The following ITPR2 variants were observed in gnomAD, a reference collection of about 807,000 sequenced individuals.
The protein encoded by ITPR2 is inositol 1,4,5-trisphosphate-gated calcium channel ITPR2.
ITPR2 carries 207 observed loss-of-function variants against 317.1 expected under a neutral mutation model. The observed-to-expected ratio is 0.65, with a 90% CI of 0.58 to 0.73. The LOEUF is 0.73. Ranked by LOEUF, ITPR2 falls within the 30% of genes least tolerant of loss-of-function variation. The pLI is 0.00. For synonymous variants in ITPR2, 1,156 were observed against 1,149.1 expected (o/e 1.01, Z -0.12); for missense variants, 2,613 against 3,284.0 (o/e 0.80, Z 4.99).
intron 13 of ITPR2, among the ~76,000 whole-genome samples, chr12:26,667,491 T>C (rs1814525092): frequency 1.3e-5 from 2 of 152,222 alleles, no homozygotes; most frequent in African/African-American, 4.8e-5. Context: ...ACTGACATAG[T>C]TACGTGTAAT....
At chr12:26,466,820 C>T (rs142295632) in intron 45 of ITPR2, among the ~76,000 whole-genome samples, 18 of 152,274 alleles carry the variant, frequency 1.2e-4, no homozygotes, top group African/African-American at 4.1e-4. Flanking sequence ...CTTGGTACAA[C>T]ATTCTAGCCA....
chr12:26,541,240 C>T (rs1167658394), intron 37 of ITPR2, among the ~76,000 whole-genome samples: 1 of 151,768 alleles, frequency 6.6e-6, no homozygotes, highest in African/African-American at 2.4e-5. Flanking sequence ...TCACTTGAAC[C>T]CGGGAGGCAG....
chr12:26,649,822 T>TAGATAGAC (rs779584089), intron 21 of ITPR2, among the ~76,000 whole-genome samples: 2,042 of 119,812 alleles, frequency 0.017, 54 homozygotes, highest in East Asian at 0.048. Context: ...GATAGATAGA[T>TAGATAGAC]AGACAGACAG....
intron 32 of ITPR2, among the ~76,000 whole-genome samples, chr12:26,595,163 A>C (rs768842490): frequency 1.3e-5 from 2 of 152,212 alleles, no homozygotes; most frequent in South Asian, 4.1e-4. Flanking sequence ...CCTCTGCCAA[A>C]TATCTTCTCT....
rs757930753 is a variant in ITPR2 at position 26,600,113 on chromosome 12, T to G, written c.3679-4A>C. ...CTTCATTCATCTTTTCATCATTCTG[T>G]AAGTTAAAGAATAGCACATGATAGA... On this transcript the variant is annotated splice_region_variant and splice_polypyrimidine_tract_variant and intron_variant, in intron 28 of 56. Coordinates refer to ENST00000381340, the MANE Select transcript of ITPR2 (RefSeq NM_002223.4). 6.8e-6 allele frequency: 11 copies of G among 1,606,602 alleles called. No individual in the cohort carries two copies. The East Asian group carries it at 2.2e-4, about 33-fold the overall frequency.
chr12:26,798,039 T>TC (rs1395331214), intron 1 of ITPR2, among the ~76,000 whole-genome samples: 1 of 151,948 alleles, frequency 6.6e-6, no homozygotes, highest in African/African-American at 2.4e-5. Context: ...AATAACTTGA[T>TC]CCCCCAACGC....
At chr12:26,382,312 A>C (rs747101252) in intron 55 of ITPR2, among the ~76,000 whole-genome samples, 3 of 152,226 alleles carry the variant, frequency 2.0e-5, no homozygotes, top group Non-Finnish European at 2.9e-5. Context: ...ATATCCCAGA[A>C]GATGCTCCAT....
chr12:26,345,185 C>A (rs996317653), intron 55 of ITPR2, among the ~76,000 whole-genome samples: 3 of 151,190 alleles, frequency 2.0e-5, no homozygotes, highest in African/African-American at 4.9e-5. Flanking sequence ...AAAAAAAAAA[C>A]AACTTAAATT....
intron 26 of ITPR2, among the ~76,000 whole-genome samples, chr12:26,604,103 C>G (rs1401492754): frequency 5.9e-5 from 9 of 152,128 alleles, no homozygotes; most frequent in Admixed American, 4.6e-4. Flanking sequence ...CTACTGTGCT[C>G]CAGGACAAAT....
At position 26,775,933 on chromosome 12, in the gene ITPR2, C is replaced by CATATATATATATATATATATATAT; in HGVS notation, c.163+14223_163+14224insATATATATATATATATATATATAT. On this transcript the variant is annotated intron_variant, in intron 2 of 56. Coordinates refer to ENST00000381340, the MANE Select transcript of ITPR2 (RefSeq NM_002223.4). ...ATACCACTTAATAAACTCCCCTTTA[C>CATATATATATATATATATATATAT]ATATATATATATATGTATATGTATA... Among the ~76,000 whole-genome samples, 72 of 85,432 alleles carry CATATATATATATATATATATATAT rather than the reference C, an allele frequency of 8.4e-4. 4 individuals carry two copies. The highest frequency in any genetic ancestry group is 2.0e-3 in the African/African-American group (65 of 32,142). The allele number at this position is 85,432 out of a possible 152,430, so 56.0% of individuals were successfully genotyped here. A position where few individuals can be genotyped will look rare whatever the true frequency, so the allele number is the denominator to read the frequency against.
chr12:26,694,478 G>C (rs1359368149), intron 10 of ITPR2, among the ~76,000 whole-genome samples: 1 of 151,964 alleles, frequency 6.6e-6, no homozygotes, highest in Non-Finnish European at 1.5e-5. Context: ...CCTCTAGTAA[G>C]TTCTTTCTAA....
chr12:26,339,619 G>T, intron 56 of ITPR2, 136 bp from the exon 57 acceptor site: 7 of 629,724 alleles, frequency 1.1e-5, no homozygotes, highest in Non-Finnish European at 1.9e-5. Flanking sequence ...TATCAAAAAA[G>T]GGATTTTTTT....
chr12:26,719,369 C>G (rs1948794589), intron 5 of ITPR2, among the ~76,000 whole-genome samples: 1 of 152,176 alleles, frequency 6.6e-6, no homozygotes, highest in African/African-American at 2.4e-5. Context: ...GATAAGCCAT[C>G]ACATTCACTC....
At chr12:26,820,864 C>G (rs1258644650) in intron 1 of ITPR2, among the ~76,000 whole-genome samples, 1 of 152,142 alleles carries the variant, frequency 6.6e-6, no homozygotes, top group Non-Finnish European at 1.5e-5. Flanking sequence ...TAAAACAAGC[C>G]AGACACACAA....
At chr12:26,720,851 T>C (rs754688261) in intron 5 of ITPR2, among the ~76,000 whole-genome samples, 1 of 152,214 alleles carries the variant, frequency 6.6e-6, no homozygotes, top group Non-Finnish European at 1.5e-5. Flanking sequence ...AGGAAAAGAA[T>C]AGATAAAATG....
intron 55 of ITPR2, among the ~76,000 whole-genome samples, chr12:26,382,661 T>TCA (rs371539515): frequency 1.4e-3 from 186 of 129,968 alleles, no homozygotes; most frequent in Admixed American, 3.1e-3. Context: ...CAAGAATTTG[T>TCA]CACACACACA....
intron 35 of ITPR2, among the ~76,000 whole-genome samples, chr12:26,557,000 G>T (rs1487356379): frequency 6.6e-6 from 1 of 151,840 alleles, no homozygotes; most frequent in Admixed American, 6.6e-5. Context: ...AATCACCTGA[G>T]CCTGGGAGGC....
intron 37 of ITPR2, among the ~76,000 whole-genome samples, chr12:26,543,356 T>A (rs529546795): frequency 6.6e-6 from 1 of 152,106 alleles, no homozygotes; most frequent in East Asian, 1.9e-4. Flanking sequence ...TATCAGATAT[T>A]GTGTGTGTTT....
intron 51 of ITPR2, among the ~76,000 whole-genome samples, 191 bp from the exon 52 acceptor site, chr12:26,411,603 A>G (rs1940553124): frequency 6.6e-6 from 1 of 152,234 alleles, no homozygotes; most frequent in South Asian, 2.1e-4. Context: ...TAAATGGAGA[A>G]TAGCTTCATA....
Sources: allele counts gnomAD v4.1 joint callset (sites outside exome capture counted in the v4.1 genomes callset), GRCh38; gene constraint gnomAD v4.1.1; transcripts MANE v1.5; gene names NCBI Gene and HGNC (gene_info 2026-07-23, HGNC 2026-07-21).